Variants in CSGALNACT1 observed in about 807,000 individuals in gnomAD.
CSGALNACT1 encodes the protein beta4GalNAcT-1.
Under a neutral mutation model 51.0 loss-of-function variants are expected in CSGALNACT1, and 52 were observed. The ratio of observed to expected loss-of-function variants is 1.02; its 90% confidence interval spans 0.82 to 1.29. CSGALNACT1 has a LOEUF of 1.29. Among genes scored for constraint, CSGALNACT1 ranks in the 50% most tolerant of loss-of-function variants. The pLI, the probability that CSGALNACT1 is intolerant of heterozygous loss-of-function variation, is 0.00. For missense variants in CSGALNACT1, 935 were observed against 679.2 expected, an observed-to-expected ratio of 1.38 and a Z score of -4.19; for synonymous variants, 341 against 254.4, an observed-to-expected ratio of 1.34 and a Z score of -3.24.
chr8:19,742,453 G>T (rs1391941221), intron 1 of CSGALNACT1, among the ~76,000 whole-genome samples: 1 of 152,312 alleles, frequency 6.6e-6, no homozygotes, highest in Non-Finnish European at 1.5e-5. Flanking sequence ...CACTGCCCTT[G>T]CAGGCTGAAT....
intron 5 of CSGALNACT1, among the ~76,000 whole-genome samples, chr8:19,447,900 C>T (rs537795267): frequency 1.3e-5 from 2 of 152,166 alleles, no homozygotes; most frequent in African/African-American, 2.4e-5. Context: ...TATGAGGATA[C>T]TGGGAGCTCA....
intron 1 of CSGALNACT1, among the ~76,000 whole-genome samples, chr8:19,659,121 T>G (rs949240341): frequency 6.6e-6 from 1 of 152,096 alleles, no homozygotes; most frequent in Non-Finnish European, 1.5e-5. Flanking sequence ...TAGGATGATA[T>G]TGACATTTTA....
chr8:19,507,701 C>T (rs113033895), intron 3 of CSGALNACT1, among the ~76,000 whole-genome samples: 1,642 of 152,306 alleles, frequency 0.011, 28 homozygotes, highest in African/African-American at 0.037. Flanking sequence ...GATCTCTGCT[C>T]ACTGCCATCT....
intron 1 of CSGALNACT1, among the ~76,000 whole-genome samples, chr8:19,747,025 AG>A (rs2064715119): frequency 6.6e-6 from 1 of 152,192 alleles, no homozygotes; most frequent in Non-Finnish European, 1.5e-5. Flanking sequence ...CAGCTCCACA[AG>A]CCAAAGAAGC....
chr8:19,456,366 C>A (rs371709649), intron 5 of CSGALNACT1, among the ~76,000 whole-genome samples: 5 of 152,150 alleles, frequency 3.3e-5, no homozygotes, highest in Non-Finnish European at 5.9e-5. Flanking sequence ...AAGCTCAGGA[C>A]CCTGAACCCA....
At chr8:19,525,450 C>T (rs1200751814) in intron 3 of CSGALNACT1, among the ~76,000 whole-genome samples, 1 of 149,214 alleles carries the variant, frequency 6.7e-6, no homozygotes, top group Admixed American at 6.7e-5. Flanking sequence ...CTAAAAAATA[C>T]AAAAAAGAAA....
exon 10 of CSGALNACT1, chr8:19,405,294 G>A: frequency 2.2e-6 from 1 of 453,822 alleles, no homozygotes; most frequent in South Asian, 1.6e-5. Context: ...TTTACTTAAT[G>A]TACTCACTAG....
chr8:19,620,263 C>G (rs954125582), intron 1 of CSGALNACT1, among the ~76,000 whole-genome samples: 2 of 134,602 alleles, frequency 1.5e-5, no homozygotes, highest in African/African-American at 2.9e-5. Context: ...TGCAGTTAGC[C>G]AAGATTGCAC....
intron 1 of CSGALNACT1, among the ~76,000 whole-genome samples, chr8:19,733,206 G>C (rs1013799387): frequency 1.3e-5 from 2 of 152,154 alleles, no homozygotes; most frequent in African/African-American, 4.8e-5. Context: ...TATATGGAAG[G>C]TATCTCAGAA....
intron 1 of CSGALNACT1, among the ~76,000 whole-genome samples, chr8:19,650,040 C>G (rs914593840): frequency 6.6e-6 from 1 of 152,050 alleles, no homozygotes; most frequent in Non-Finnish European, 1.5e-5. Context: ...CAGGCCAAAA[C>G]AGTACTTCCC....
intron 1 of CSGALNACT1, among the ~76,000 whole-genome samples, chr8:19,633,631 A>G (rs138680999): frequency 6.6e-6 from 1 of 152,318 alleles, no homozygotes; most frequent in Non-Finnish European, 1.5e-5. Context: ...GAGGCAAGGG[A>G]GAGTTTTCCC....
At chr8:19,664,553 T>C (rs919242328) in intron 1 of CSGALNACT1, among the ~76,000 whole-genome samples, 1 of 152,044 alleles carries the variant, frequency 6.6e-6, no homozygotes, top group Non-Finnish European at 1.5e-5. Context: ...CCCAGCACCG[T>C]TCACAACAGC....
At chr8:19,754,498 GA>G (rs1347705055) in intron 1 of CSGALNACT1, among the ~76,000 whole-genome samples, 1 of 152,022 alleles carries the variant, frequency 6.6e-6, no homozygotes, top group Non-Finnish European at 1.5e-5. Flanking sequence ...ATACCTAGAT[GA>G]AAACCATATA....
At chr8:19,541,261 T>G (rs1030003621) in intron 3 of CSGALNACT1, among the ~76,000 whole-genome samples, 8 of 148,382 alleles carry the variant, frequency 5.4e-5, no homozygotes, top group African/African-American at 1.8e-4. Flanking sequence ...TTTTTTTTTT[T>G]TTTTTTTGAG....
intron 3 of CSGALNACT1, among the ~76,000 whole-genome samples, chr8:19,578,739 G>A (rs2044859845): frequency 6.6e-6 from 1 of 152,102 alleles, no homozygotes; most frequent in African/African-American, 2.4e-5. Context: ...TCCTCAGTCT[G>A]ACTCAGTCTG....
chr8:19,409,968 A>G (rs2055314461), intron 8 of CSGALNACT1, among the ~76,000 whole-genome samples: 1 of 152,110 alleles, frequency 6.6e-6, no homozygotes, highest in African/African-American at 2.4e-5. Context: ...CCCTTCCTGA[A>G]GTTTCACCAC....
At chr8:19,709,423 C>A (rs1309742602) in intron 1 of CSGALNACT1, among the ~76,000 whole-genome samples, 3 of 152,086 alleles carry the variant, frequency 2.0e-5, no homozygotes, top group Non-Finnish European at 4.4e-5. Context: ...GATGATTTCA[C>A]AAAAGTCTAG....
chr8:19,680,914 T>C (rs920055477), intron 1 of CSGALNACT1, among the ~76,000 whole-genome samples: 1 of 152,178 alleles, frequency 6.6e-6, no homozygotes, highest in Non-Finnish European at 1.5e-5. Context: ...GTCAGGTTTC[T>C]ACATATGCCC....
At chr8:19,415,504 T>C (rs2056699325) in intron 8 of CSGALNACT1, among the ~76,000 whole-genome samples, 1 of 152,170 alleles carries the variant, frequency 6.6e-6, no homozygotes, top group African/African-American at 2.4e-5. Flanking sequence ...GTGGCAACAA[T>C]GGACACAGGG....
Sources: gnomAD v4.1 joint callset for allele counts (sites outside exome capture counted in the v4.1 genomes callset) on GRCh38, gnomAD v4.1.1 for gene constraint, MANE v1.5 for transcripts, NCBI Gene and HGNC (gene_info 2026-07-23, HGNC 2026-07-21) for gene names.